SDCCAG8: variants seen among roughly 807,000 people sequenced by gnomAD.
SDCCAG8 encodes the protein SHH signaling and ciliogenesis regulator SDCCAG8.
SDCCAG8 carries 74 observed loss-of-function variants against 101.8 expected under a neutral mutation model. The ratio of observed to expected loss-of-function variants is 0.73; its 90% confidence interval spans 0.60 to 0.88. SDCCAG8 has a LOEUF of 0.88. Ranked by LOEUF, SDCCAG8 falls within the 40% of genes least tolerant of loss-of-function variation. SDCCAG8 has a pLI of 0.00. For synonymous variants in SDCCAG8, 281 were observed against 292.9 expected (o/e 0.96, Z 0.41); for missense variants, 787 against 822.6 (o/e 0.96, Z 0.53).
intron 9 of SDCCAG8, among the ~76,000 whole-genome samples, chr1:243,323,004 G>A (rs750032606): frequency 6.6e-6 from 1 of 151,886 alleles, no homozygotes; most frequent in Non-Finnish European, 1.5e-5. Context: ...GCATGGTGGT[G>A]TGCGCCTGTA....
chr1:243,261,873 T>C (rs1315499509), intron 1 of SDCCAG8, among the ~76,000 whole-genome samples: 2 of 151,480 alleles, frequency 1.3e-5, no homozygotes, highest in Non-Finnish European at 3.0e-5. Context: ...TTTTTTTTTT[T>C]TAATCTCAGC....
intron 16 of SDCCAG8, among the ~76,000 whole-genome samples, chr1:243,483,845 G>A (rs570255549): frequency 5.1e-4 from 78 of 152,358 alleles, no homozygotes; most frequent in Middle Eastern, 6.8e-3. Context: ...CTATCCTGGG[G>A]CGAGCCCTTC....
intron 13 of SDCCAG8, among the ~76,000 whole-genome samples, chr1:243,399,238 G>A (rs1486416650): frequency 1.3e-5 from 2 of 152,150 alleles, no homozygotes; most frequent in African/African-American, 4.8e-5. Flanking sequence ...AAAAAGTAGA[G>A]TCTAAGTTTC....
At chr1:243,286,929 G>A (rs1420677631) in intron 5 of SDCCAG8, among the ~76,000 whole-genome samples, 3 of 152,062 alleles carry the variant, frequency 2.0e-5, no homozygotes, top group Admixed American at 2.0e-4. Context: ...TTTCTTTATT[G>A]GTAATTTGAG....
At chr1:243,472,309 TC>T (rs1161716768) in intron 16 of SDCCAG8, among the ~76,000 whole-genome samples, 2 of 152,214 alleles carry the variant, frequency 1.3e-5, no homozygotes, top group Non-Finnish European at 2.9e-5. Flanking sequence ...GACTAAATCA[TC>T]AAACCAGTTT....
At chr1:243,437,760 G>C (rs866314368) in intron 16 of SDCCAG8, among the ~76,000 whole-genome samples, 11 of 152,034 alleles carry the variant, frequency 7.2e-5, no homozygotes, top group Admixed American at 1.3e-4. Context: ...GGATGGTCTC[G>C]ATCTCCTGAC....
intron 16 of SDCCAG8, among the ~76,000 whole-genome samples, chr1:243,450,820 G>A (rs190640736): frequency 5.3e-5 from 8 of 152,140 alleles, no homozygotes; most frequent in Non-Finnish European, 7.4e-5. Flanking sequence ...CACCACGCCC[G>A]GCTAATATTT....
At chr1:243,494,495 C>T (rs1574426579) in intron 17 of SDCCAG8, among the ~76,000 whole-genome samples, 1 of 152,338 alleles carries the variant, frequency 6.6e-6, no homozygotes, top group East Asian at 1.9e-4. Flanking sequence ...CTAACATAAG[C>T]ATCTCGCGAC....
intron 12 of SDCCAG8, among the ~76,000 whole-genome samples, chr1:243,357,874 A>G (rs1240332526): frequency 1.3e-5 from 2 of 152,350 alleles, no homozygotes; most frequent in Non-Finnish European, 2.9e-5. Context: ...TGGTGCTGGG[A>G]AAACCTGATA....
At chr1:243,374,020 A>G (rs1276321645) in intron 12 of SDCCAG8, among the ~76,000 whole-genome samples, 1 of 152,140 alleles carries the variant, frequency 6.6e-6, no homozygotes, top group East Asian at 1.9e-4. Flanking sequence ...TAAATACTGT[A>G]TATTCTAATA....
At chr1:243,340,213 G>A (rs563058920) in intron 10 of SDCCAG8, among the ~76,000 whole-genome samples, 40 of 152,312 alleles carry the variant, frequency 2.6e-4, no homozygotes, top group African/African-American at 8.9e-4. Context: ...GATGAGTACT[G>A]TGGTTGAGGT....
At chr1:243,439,717 G>C (rs2082404075) in intron 16 of SDCCAG8, among the ~76,000 whole-genome samples, 1 of 151,442 alleles carries the variant, frequency 6.6e-6, no homozygotes, top group South Asian at 2.1e-4. Flanking sequence ...GTTTCTAGAG[G>C]GGGAAATTGA....
chr1:243,438,646 T>C (rs2082316803), intron 16 of SDCCAG8, among the ~76,000 whole-genome samples: 1 of 151,986 alleles, frequency 6.6e-6, no homozygotes, highest in Non-Finnish European at 1.5e-5. Context: ...TGTAAAAATG[T>C]TTAGGATTTC....
chr1:243,407,376 C>G (rs1275395273), intron 13 of SDCCAG8, among the ~76,000 whole-genome samples: 4 of 152,208 alleles, frequency 2.6e-5, no homozygotes, highest in Admixed American at 2.0e-4. Context: ...TGTTCCATCT[C>G]TCTGCCCCAC....
chr1:243,258,454 A>C (rs902691624), intron 1 of SDCCAG8, among the ~76,000 whole-genome samples: 6 of 152,302 alleles, frequency 3.9e-5, no homozygotes, highest in South Asian at 2.1e-4. Context: ...ATCCAGGCTG[A>C]AATGCAGTGG....
At chr1:243,397,745 T>C (rs778210463) in intron 13 of SDCCAG8, among the ~76,000 whole-genome samples, 13 of 152,270 alleles carry the variant, frequency 8.5e-5, no homozygotes. Flanking sequence ...GAGGTTGACC[T>C]GATTTTCATT....
intron 3 of SDCCAG8, among the ~76,000 whole-genome samples, chr1:243,274,287 T>G (rs1167438978): frequency 1.3e-5 from 2 of 152,218 alleles, no homozygotes; most frequent in African/African-American, 4.8e-5. Context: ...TCATTCATCA[T>G]GACCGAAACA....
intron 12 of SDCCAG8, among the ~76,000 whole-genome samples, chr1:243,361,998 G>A (rs182181151): frequency 1.6e-4 from 24 of 152,116 alleles, no homozygotes; most frequent in Admixed American, 1.4e-3. Context: ...GGATAGGTGG[G>A]TGAAGAGATG....
intron 16 of SDCCAG8, among the ~76,000 whole-genome samples, chr1:243,473,228 T>C (rs997639462): frequency 2.0e-5 from 3 of 152,208 alleles, no homozygotes; most frequent in African/African-American, 7.2e-5. Flanking sequence ...CTTGAAACAA[T>C]GCAATTAAAC....
Sources: gnomAD v4.1 joint callset for allele counts (sites outside exome capture counted in the v4.1 genomes callset) on GRCh38, gnomAD v4.1.1 for gene constraint, MANE v1.5 for transcripts, NCBI Gene and HGNC (gene_info 2026-07-23, HGNC 2026-07-21) for gene names.